PCCA: variants seen among roughly 807,000 people sequenced by gnomAD.
PCCA encodes the protein propionyl-CoA carboxylase alpha chain, mitochondrial.
A neutral mutation model predicts 101.3 loss-of-function variants in PCCA; 74 were observed. That is an observed-to-expected ratio of 0.73 (90% CI 0.61 to 0.89). PCCA has a LOEUF of 0.89. Ranked by LOEUF, PCCA falls within the 40% of genes least tolerant of loss-of-function variation. The pLI is 0.00. For synonymous variants in PCCA, 294 were observed against 313.6 expected (o/e 0.94, Z 0.66); for missense variants, 891 against 907.0 (o/e 0.98, Z 0.23).
chr13:100,244,028 G>A (rs1161318378), intron 8 of PCCA, among the ~76,000 whole-genome samples: 1 of 152,080 alleles, frequency 6.6e-6, no homozygotes, highest in Non-Finnish European at 1.5e-5. Context: ...TGACTCTGGG[G>A]TTAAGGTTAT....
intron 1 of PCCA, 146 bp downstream of exon 1, chr13:100,089,371 C>A: frequency 8.7e-7 from 1 of 1,149,450 alleles, no homozygotes; most frequent in Non-Finnish European, 1.1e-6. Context: ...TTGCTTTCCT[C>A]CCTCCCGGAG....
rs772158996 is a variant in PCCA, at chr13:100,425,650, G to A, written c.1764G>A (p.Ser588=). 10 of 1,613,740 alleles carry A rather than the reference G, an allele frequency of 6.2e-6. No homozygotes were observed. Among genetic ancestry groups the A allele is most frequent in the East Asian group, 2.2e-5 (1 of 44,874 alleles). The change falls in exon 20 of 24, where the codon TCG becomes TCA. Residue 588 remains serine (S), a synonymous_variant. Transcript: ENST00000376285. ...CACAACAGGTGGAAGTTGATGGGTC[G>A]AAACTAAATGTGACCAGCACGTGGA... ...GSVFSVEVDG[S]KLNVTSTWNL... is the part of the protein sequence containing the mutation.
chr13:100,325,567 T>C (rs1013538972), intron 16 of PCCA, among the ~76,000 whole-genome samples: 1 of 152,148 alleles, frequency 6.6e-6, no homozygotes, highest in Non-Finnish European at 1.5e-5. Flanking sequence ...GGAACATTTC[T>C]TAGTAGGGAA....
At chr13:100,414,827 AATG>A (rs1208833174) in intron 19 of PCCA, among the ~76,000 whole-genome samples, 2 of 152,316 alleles carry the variant, frequency 1.3e-5, no homozygotes, top group East Asian at 3.9e-4. Context: ...GCAGTAGTTA[AATG>A]ATAAGAACTA....
intron 4 of PCCA, among the ~76,000 whole-genome samples, chr13:100,116,078 C>A (rs1348788904): frequency 6.6e-6 from 1 of 152,118 alleles, no homozygotes; most frequent in Non-Finnish European, 1.5e-5. Flanking sequence ...AGGTGAATTC[C>A]TGTAACAGCA....
intron 19 of PCCA, among the ~76,000 whole-genome samples, chr13:100,415,571 A>G (rs2078309645): frequency 6.6e-6 from 1 of 152,228 alleles, no homozygotes; most frequent in South Asian, 2.1e-4. Flanking sequence ...TTTATCCTTC[A>G]TATCATCTTC....
intron 18 of PCCA, among the ~76,000 whole-genome samples, chr13:100,346,790 C>T (rs2072299781): frequency 6.6e-6 from 1 of 152,144 alleles, no homozygotes; most frequent in African/African-American, 2.4e-5. Context: ...CATCCATCAG[C>T]CTGATCAGTC....
intron 19 of PCCA, among the ~76,000 whole-genome samples, chr13:100,368,778 C>T (rs1006158379): frequency 5.3e-5 from 8 of 152,110 alleles, no homozygotes; most frequent in African/African-American, 1.9e-4. Flanking sequence ...TTAGCCACAT[C>T]CTAAACTCAC....
At chr13:100,183,870 G>A (rs1057067871) in intron 6 of PCCA, among the ~76,000 whole-genome samples, 3 of 152,178 alleles carry the variant, frequency 2.0e-5, no homozygotes, top group Non-Finnish European at 2.9e-5. Context: ...GGAGCATTCT[G>A]TGTGAGGCTG....
intron 4 of PCCA, among the ~76,000 whole-genome samples, chr13:100,127,961 G>A (rs2050131921): frequency 6.6e-6 from 1 of 152,108 alleles, no homozygotes; most frequent in African/African-American, 2.4e-5. Flanking sequence ...TGTTTCTAAG[G>A]CCATGACTTA....
At chr13:100,477,800 T>C (rs1233935463) in intron 21 of PCCA, among the ~76,000 whole-genome samples, 1 of 152,196 alleles carries the variant, frequency 6.6e-6, no homozygotes, top group African/African-American at 2.4e-5. Context: ...CCCTGAGTCC[T>C]GATTTCTCAG....
intron 18 of PCCA, among the ~76,000 whole-genome samples, chr13:100,349,516 G>A (rs146628342): frequency 0.014 from 2,139 of 152,272 alleles, 47 homozygotes; most frequent in African/African-American, 0.049. Context: ...ACCTGCTTTG[G>A]CCTCCCAAAG....
At chr13:100,262,607 T>G in intron 9 of PCCA, 122 bp from the exon 10 acceptor site, 2 of 684,856 alleles carry the variant, frequency 2.9e-6, no homozygotes, top group Non-Finnish European at 5.2e-6. Context: ...ATTTAATCGA[T>G]TGTGTTTTCT....
At chr13:100,424,605 C>T (rs1284101936) in intron 19 of PCCA, among the ~76,000 whole-genome samples, 1 of 152,206 alleles carries the variant, frequency 6.6e-6, no homozygotes, top group African/African-American at 2.4e-5. Flanking sequence ...GACCTCTTGC[C>T]TGGATATTTT....
At chr13:100,246,962 G>A (rs2061467392) in intron 8 of PCCA, among the ~76,000 whole-genome samples, 1 of 150,084 alleles carries the variant, frequency 6.7e-6, no homozygotes, top group Non-Finnish European at 1.5e-5. Context: ...AGGCTAGAGT[G>A]CAATGGTGCG....
intron 21 of PCCA, among the ~76,000 whole-genome samples, chr13:100,508,243 CAGG>C (rs2086227709): frequency 6.6e-6 from 1 of 152,088 alleles, no homozygotes; most frequent in Admixed American, 6.5e-5. Context: ...CCCATTTTTG[CAGG>C]ATGTTTGAAA....
intron 4 of PCCA, among the ~76,000 whole-genome samples, chr13:100,112,861 C>T (rs1594150847): frequency 7.5e-6 from 1 of 134,208 alleles, no homozygotes; most frequent in East Asian, 2.2e-4. Context: ...CAGGCTTGAG[C>T]CACCACACCC....
chr13:100,459,494 C>T (rs1477236306), intron 21 of PCCA, among the ~76,000 whole-genome samples: 3 of 152,106 alleles, frequency 2.0e-5, no homozygotes, highest in Non-Finnish European at 2.9e-5. Context: ...AGTTCGTACC[C>T]CATACTCAAA....
At chr13:100,274,970 G>A (rs2063541890) in intron 12 of PCCA, among the ~76,000 whole-genome samples, 1 of 139,570 alleles carries the variant, frequency 7.2e-6, no homozygotes, top group African/African-American at 2.7e-5. Flanking sequence ...CTAAGGGGTG[G>A]AATAGGACAG....
Sources: gnomAD v4.1 joint callset for allele counts (sites outside exome capture counted in the v4.1 genomes callset) on GRCh38, gnomAD v4.1.1 for gene constraint, MANE v1.5 for transcripts, NCBI Gene and HGNC (gene_info 2026-07-23, HGNC 2026-07-21) for gene names.